Variants in ERI1 observed in about 807,000 individuals in gnomAD.
The protein encoded by ERI1 is exoribonuclease 1.
ERI1 carries 39 observed loss-of-function variants against 39.7 expected under a neutral mutation model. The ratio of observed to expected loss-of-function variants is 0.98; its 90% CI spans 0.76 to 1.28. ERI1 has a LOEUF of 1.28. ERI1 is among the 50% of genes most tolerant of loss of function. The probability of loss-of-function intolerance (pLI) is 0.00; values close to 1 mark genes in which losing one functional copy is unlikely to be tolerated. For synonymous variants in ERI1, 204 were observed against 149.6 expected (o/e 1.36, Z -2.65); for missense variants, 581 against 416.9 (o/e 1.39, Z -3.43).
chr8:9,029,403 G>C (rs185802241), intron 6 of ERI1, among the ~76,000 whole-genome samples: 1 of 151,980 alleles, frequency 6.6e-6, no homozygotes, highest in African/African-American at 2.4e-5. Flanking sequence ...ATCTCAGCTC[G>C]CTGCAGCCTC....
chr8:9,022,200 G>T (rs1340334944), intron 6 of ERI1, among the ~76,000 whole-genome samples: 3 of 152,124 alleles, frequency 2.0e-5, no homozygotes, highest in African/African-American at 7.2e-5. Flanking sequence ...TCTGACGGGT[G>T]TGTGATACCA....
chr8:9,014,887 G>T (rs1817061769), intron 3 of ERI1, among the ~76,000 whole-genome samples: 2 of 152,048 alleles, frequency 1.3e-5, no homozygotes, highest in African/African-American at 4.8e-5. Context: ...ACCCAGGCTG[G>T]AGAGCAGTGG....
chr8:9,040,555 C>G (rs535578887), intron 3 of ERI1, among the ~76,000 whole-genome samples: 2 of 152,200 alleles, frequency 1.3e-5, no homozygotes, highest in African/African-American at 2.4e-5. Context: ...ACCTTAAATT[C>G]CAAATTAATT....
At chr8:9,087,208 A>C (rs909262244) in intron 3 of ERI1, among the ~76,000 whole-genome samples, 1 of 149,946 alleles carries the variant, frequency 6.7e-6, no homozygotes, top group Admixed American at 6.6e-5. Flanking sequence ...CTTGCCCCCC[A>C]CCTTCATCTT....
chr8:9,066,346 G>A (rs151151105), intron 3 of ERI1, among the ~76,000 whole-genome samples: 153 of 152,334 alleles, frequency 1.0e-3, no homozygotes, highest in African/African-American at 3.1e-3. Context: ...ATGGATGTCT[G>A]TGACACAGCG....
intron 3 of ERI1, among the ~76,000 whole-genome samples, chr8:9,078,306 T>A (rs1250511081): frequency 6.6e-6 from 1 of 152,060 alleles, no homozygotes; most frequent in East Asian, 1.9e-4. Flanking sequence ...CCTGTGTTTT[T>A]TCTAATTAGG....
chr8:9,028,973 G>GTTTTTTTTTT (rs34569795), intron 6 of ERI1, among the ~76,000 whole-genome samples: 1 of 113,094 alleles, frequency 8.8e-6, no homozygotes, highest in Non-Finnish European at 1.8e-5. Context: ...GAGTGTGAGA[G>GTTTTTTTTTT]TTTTTTTTTT....
intron 3 of ERI1, chr8:9,088,446 T>A (rs1300548145): frequency 6.6e-6 from 1 of 152,240 alleles, no homozygotes; most frequent in Non-Finnish European, 1.5e-5. Context: ...TCGACATTCT[T>A]ATTATCATTA....
intron 3 of ERI1, among the ~76,000 whole-genome samples, chr8:9,061,720 G>A (rs180701215): frequency 6.6e-6 from 1 of 152,168 alleles, no homozygotes; most frequent in East Asian, 1.9e-4. Context: ...GAGAGCATGT[G>A]TGTTTTTATG....
intron 6 of ERI1, among the ~76,000 whole-genome samples, chr8:9,025,385 C>G (rs1222899028): frequency 2.0e-5 from 3 of 152,222 alleles, no homozygotes; most frequent in African/African-American, 7.2e-5. Context: ...CAAACATTTT[C>G]TCCAGCTTCT....
chr8:9,035,557 C>T (rs188880675), downstream of ERI1, among the ~76,000 whole-genome samples: 1 of 151,208 alleles, frequency 6.6e-6, no homozygotes, highest in South Asian at 2.1e-4. Flanking sequence ...ACTTAGTGCT[C>T]AGGAAAAAAA....
chr8:9,025,250 G>T (rs754065439), intron 6 of ERI1, among the ~76,000 whole-genome samples: 2 of 152,162 alleles, frequency 1.3e-5, no homozygotes, highest in Non-Finnish European at 2.9e-5. Flanking sequence ...CTTTCCAATA[G>T]CTTTCCTCAC....
downstream of ERI1, among the ~76,000 whole-genome samples, chr8:9,036,867 C>A (rs1039217815): frequency 6.6e-6 from 1 of 152,150 alleles, no homozygotes; most frequent in Non-Finnish European, 1.5e-5. Flanking sequence ...GAACATAGAC[C>A]TGTTTTCCCT....
intron 3 of ERI1, among the ~76,000 whole-genome samples, chr8:9,055,032 T>C (rs1798462352): frequency 6.6e-6 from 1 of 152,196 alleles, no homozygotes; most frequent in South Asian, 2.1e-4. Context: ...GAATTACATT[T>C]AACAGAGTTT....
intron 3 of ERI1, among the ~76,000 whole-genome samples, chr8:9,014,208 A>G (rs970972968): frequency 2.0e-5 from 3 of 152,138 alleles, no homozygotes; most frequent in African/African-American, 4.8e-5. Context: ...CTCATTCTCA[A>G]AAATGCCAGG....
intron 5 of ERI1, 113 bp downstream of exon 5, chr8:9,018,519 C>CTAAT: frequency 1.6e-6 from 1 of 616,984 alleles, no homozygotes; most frequent in Non-Finnish European, 2.8e-6. Context: ...CCTAGAGTCT[C>CTAAT]ACCCCACAGG....
At chr8:9,053,053 G>A (rs1798408073) in intron 3 of ERI1, among the ~76,000 whole-genome samples, 1 of 152,142 alleles carries the variant, frequency 6.6e-6, no homozygotes, top group Non-Finnish European at 1.5e-5. Context: ...GTCTTGCTCT[G>A]TCACCCAGGC....
At chr8:9,097,573 G>A (rs1799915357) in intron 3 of ERI1, among the ~76,000 whole-genome samples, 1 of 151,860 alleles carries the variant, frequency 6.6e-6, no homozygotes, top group Admixed American at 6.6e-5. Context: ...GGAGGCTGAG[G>A]CTGGAGAATC....
At chr8:9,060,223 G>A (rs760072583) in intron 3 of ERI1, among the ~76,000 whole-genome samples, 2 of 152,142 alleles carry the variant, frequency 1.3e-5, no homozygotes, top group Non-Finnish European at 2.9e-5. Flanking sequence ...ACTGTATAGA[G>A]GTGGGAAGGC....
Sources: allele counts gnomAD v4.1 joint callset (sites outside exome capture counted in the v4.1 genomes callset), GRCh38; gene constraint gnomAD v4.1.1; transcripts MANE v1.5; gene names NCBI Gene and HGNC (gene_info 2026-07-23, HGNC 2026-07-21).